GUCY2F: variants seen among roughly 807,000 people sequenced by gnomAD.
GUCY2F encodes retinal guanylyl cyclase 2.
GUCY2F carries 61 observed loss-of-function variants against 73.1 expected under a neutral mutation model. The ratio of observed to expected loss-of-function variants is 0.83; its 90% CI spans 0.68 to 1.03. The LOEUF (loss-of-function observed/expected upper bound fraction) is 1.03. GUCY2F is among the 50% of genes least tolerant of loss of function. The probability of loss-of-function intolerance (pLI) is 0.00; values close to 1 mark genes in which losing one functional copy is unlikely to be tolerated. For missense variants in GUCY2F, 912 were observed against 854.3 expected (o/e 1.07, Z -0.84); for synonymous variants, 331 against 307.8 (o/e 1.08, Z -0.79).
At position 109,396,534 on chromosome X, in the gene GUCY2F, T is replaced by C. The variant is rs374154173; in HGVS notation, c.2276-1045A>G. ...ACCCACAGAGTAAAATCCAGGCTCTTGTCCCTATCTCTTCAGGCTCATTTC... is the reference window on the plus strand; with the variant it reads ...ACCCACAGAGTAAAATCCAGGCTCTCGTCCCTATCTCTTCAGGCTCATTTC... On this transcript the variant is annotated intron_variant, in intron 11 of 19. Coordinates refer to ENST00000218006, the MANE Select transcript of GUCY2F (RefSeq NM_001522.3). Among the ~76,000 whole-genome samples the C allele has an allele frequency of 4.5e-4, 50 of 111,033 alleles. No individual in the cohort carries two copies. In the South Asian group the frequency reaches 0.019, roughly 42 times the overall value.
chrX:109,428,983 C>T (rs1282545569), intron 8 of GUCY2F, among the ~76,000 whole-genome samples: 1 of 112,013 alleles, frequency 8.9e-6, no homozygotes, highest in Non-Finnish European at 1.9e-5. Flanking sequence ...TCAGGTTTGG[C>T]CTGTTTTGGC....
In GUCY2F at chrX:109,385,291, T is replaced by C. The variant is rs754234363; in HGVS notation, c.2957-9A>G. The C allele has an allele frequency of 4.9e-6, 5 of 1,023,817 alleles. No individual in the cohort carries two copies. The African/African-American group carries it at 9.5e-5, about 19-fold the overall frequency. The allele number at this position is 1,023,817 out of a possible 1,213,427, so 84.4% of individuals were successfully genotyped here. A position where few individuals can be genotyped will look rare whatever the true frequency, so the allele number is the denominator to read the frequency against. On this transcript the variant is annotated splice_polypyrimidine_tract_variant and intron_variant, in intron 15 of 19. Transcript: ENST00000218006. Reference sequence around the variant, plus strand: ...TCCAGCAACAACCGGCCCTATAGAGTATCAGGGGGTTGGAATTACAGTCAA... The same window carrying C: ...TCCAGCAACAACCGGCCCTATAGAGCATCAGGGGGTTGGAATTACAGTCAA...
chrX:109,391,936 A>T lies in GUCY2F; in HGVS notation c.2756T>A (p.Ile919Lys). The change falls in exon 14 of 20, where the codon ATA (isoleucine) becomes AAA (lysine). Residue 919 changes from isoleucine to lysine, a missense_variant. Ile to Lys is a moderately radical substitution (Grantham distance 102, BLOSUM62 -3). Transcript: ENST00000218006. ...CTTGTAGACATCATGACTGCCAATT[A>T]TTGCATCAAAGAGTGTGTACAGGTC... Reference protein sequence around the residue: ...LNDLYTLFDAIIGSHDVYKVE... With the variant: ...LNDLYTLFDAKIGSHDVYKVE... The T allele has an allele frequency of 8.3e-7, 1 of 1,200,436 alleles. No individual in the cohort carries two copies. The highest frequency in any genetic ancestry group is 1.1e-6 in the Non-Finnish European group (1 of 888,188).
intron 3 of GUCY2F, among the ~76,000 whole-genome samples, chrX:109,459,321 C>A (rs1277500746): frequency 9.0e-6 from 1 of 111,546 alleles, no homozygotes; most frequent in Non-Finnish European, 1.9e-5. Flanking sequence ...AAGCAACAAG[C>A]AGATCTGCCC....
chrX:109,404,971 A>G (rs1310781511), intron 9 of GUCY2F, among the ~76,000 whole-genome samples: 3 of 112,507 alleles, frequency 2.7e-5, no homozygotes, highest in African/African-American at 9.7e-5. Context: ...ACAAAGAGAC[A>G]AAGATAAGAA....
intron 10 of GUCY2F, among the ~76,000 whole-genome samples, chrX:109,403,445 C>T (rs958047772): frequency 1.8e-5 from 2 of 111,672 alleles, no homozygotes; most frequent in East Asian, 5.6e-4. Context: ...ACTTGGGGCA[C>T]AAGTGCCTGC....
At chrX:109,462,841 T>C (rs947426606) in intron 3 of GUCY2F, among the ~76,000 whole-genome samples, 1 of 112,012 alleles carries the variant, frequency 8.9e-6, no homozygotes, top group Non-Finnish European at 1.9e-5. Flanking sequence ...AGTTACCATC[T>C]TGTTGCTTGC....
At chrX:109,461,701 A>G (rs1238635855) in intron 3 of GUCY2F, among the ~76,000 whole-genome samples, 1 of 112,342 alleles carries the variant, frequency 8.9e-6, no homozygotes. Context: ...AACTACTACT[A>G]TCATGCCTGA....
rs148407458 is a variant in GUCY2F at position 109,457,896 on chromosome X, A to T, written c.1033-4037T>A. Among the ~76,000 whole-genome samples, 481 of 112,256 alleles carry T rather than the reference A, an allele frequency of 4.3e-3. 2 individuals carry two copies. Among genetic ancestry groups the T allele is most frequent in the African/African-American group, 0.015 (454 of 30,965 alleles). On this transcript the variant is annotated intron_variant, in intron 3 of 19. Coordinates refer to ENST00000218006, the MANE Select transcript of GUCY2F (RefSeq NM_001522.3). The stretch of plus-strand genomic sequence containing the variant: ...AGCCATATACATTTGTGGCCAATAG[A>T]ATTTAACTGAAAACAAGCATTGGGA...
intron 4 of GUCY2F, 82 bp from the exon 5 acceptor site, chrX:109,452,189 T>C (rs1932150366): frequency 1.7e-6 from 1 of 579,353 alleles, no homozygotes; most frequent in Non-Finnish European, 3.0e-6. Context: ...TGACTCCTCA[T>C]GCTTTCTGGT....
chrX:109,388,297 A>T (rs1336853421), intron 15 of GUCY2F, among the ~76,000 whole-genome samples, 192 bp downstream of exon 15: 1 of 112,075 alleles, frequency 8.9e-6, no homozygotes. Flanking sequence ...TGGAACAAGG[A>T]GCTGCTGCCC....
In GUCY2F at chrX:109,391,943, C is replaced by T. The variant is rs1283591173; in HGVS notation, c.2749G>A (p.Asp917Asn). The T allele has an allele frequency of 8.3e-7, 1 of 1,204,478 alleles. No homozygotes were observed. The highest frequency in any genetic ancestry group is 1.1e-6 in the Non-Finnish European group (1 of 891,024). Residue 917 changes from aspartate (D) to asparagine (N), a missense_variant, in exon 14 of 20, where the codon GAT becomes AAT. Physicochemically the swap from Asp to Asn is conservative, Grantham distance 23. Transcript: ENST00000218006. ...ACATCATGACTGCCAATTATTGCAT[C>T]AAAGAGTGTGTACAGGTCATTCAGA... The part of the protein sequence containing the change: ...DLLNDLYTLF[D>N]AIIGSHDVYK...
At chrX:109,390,109 G>C (rs1257750584) in intron 14 of GUCY2F, among the ~76,000 whole-genome samples, 3 of 111,150 alleles carry the variant, frequency 2.7e-5, no homozygotes, top group Non-Finnish European at 5.7e-5. Context: ...CTTTAGCTTT[G>C]ATGAGTCAGT....
intron 1 of GUCY2F, among the ~76,000 whole-genome samples, chrX:109,480,677 T>A (rs1380626553): frequency 9.0e-6 from 1 of 111,011 alleles, no homozygotes; most frequent in Non-Finnish European, 1.9e-5. Context: ...GCATTCACTC[T>A]CAGTTTTTGT....
intron 2 of GUCY2F, among the ~76,000 whole-genome samples, chrX:109,469,268 G>A (rs748770226): frequency 9.0e-6 from 1 of 110,917 alleles, no homozygotes; most frequent in Non-Finnish European, 1.9e-5. Context: ...TGAAACTCCG[G>A]GAGAAGCCAA....
chrX:109,392,058 C>T lies in GUCY2F; in HGVS notation c.2634G>A (p.Glu878=). Residue 878 remains glutamate, a synonymous_variant, in exon 14 of 20, where the codon GAG becomes GAA. Transcript: ENST00000218006. ...SLKKGCTVEP[E]GFDLVTLYFS... Reference sequence around the variant, plus strand: ...AGTACAAGGTGACCAAGTCAAAGCCCTCAGGTTCAACTGTGCAGCCCTTTT... The same window carrying T: ...AGTACAAGGTGACCAAGTCAAAGCCTTCAGGTTCAACTGTGCAGCCCTTTT... The T allele has an allele frequency of 8.3e-7, 1 of 1,209,225 alleles. No individual in the cohort carries two copies. The highest frequency in any genetic ancestry group is 1.8e-5 in the South Asian group (1 of 56,567).
Position 109,392,137 on chromosome X carries a change from A to G in GUCY2F, c.2589-34T>C, listed in dbSNP as rs1039450138. 11 of 1,064,009 alleles carry G rather than the reference A, an allele frequency of 1.0e-5. No individual in the cohort carries two copies. The African/African-American group carries it at 1.8e-4, about 18-fold the overall frequency. 87.7% of individuals were successfully genotyped at this position (1,064,009 alleles called of 1,213,427 possible). On this transcript the variant is annotated intron_variant, in intron 13 of 19. Coordinates refer to ENST00000218006, the MANE Select transcript of GUCY2F (RefSeq NM_001522.3). ...CAGACACAGCTATTCCTAAGATGAC[A>G]CTGGTCCCCCTTCATGCCACATACA... is the stretch of plus-strand genomic sequence containing the variant.
intron 17 of GUCY2F, among the ~76,000 whole-genome samples, chrX:109,379,016 G>A (rs1209570330): frequency 8.9e-6 from 1 of 112,048 alleles, no homozygotes; most frequent in East Asian, 2.8e-4. Flanking sequence ...AAAATTTAGT[G>A]TATACATACA....
chrX:109,421,021 C>T (rs1931359745), intron 8 of GUCY2F, among the ~76,000 whole-genome samples: 1 of 110,835 alleles, frequency 9.0e-6, no homozygotes, highest in Non-Finnish European at 1.9e-5. Context: ...AAAAGATGGC[C>T]AACACCACCA....
Sources: gnomAD v4.1 joint callset for allele counts (sites outside exome capture counted in the v4.1 genomes callset) on GRCh38, gnomAD v4.1.1 for gene constraint, MANE v1.5 for transcripts, NCBI Gene and HGNC (gene_info 2026-07-23, HGNC 2026-07-21) for gene names.